Variants in TRIM10 observed in about 807,000 individuals in gnomAD.
TRIM10 encodes the protein tripartite motif containing 10.
In TRIM10, 42 loss-of-function variants were observed where a neutral mutation model predicts 40.0. That is an observed-to-expected ratio of 1.05 (90% CI 0.82 to 1.36). TRIM10 has a LOEUF of 1.36. Among genes scored for constraint, TRIM10 ranks in the 40% most tolerant of loss-of-function variants. The pLI is 0.00. For synonymous variants in TRIM10, 260 were observed against 239.5 expected (o/e 1.09, Z -0.79); for missense variants, 601 against 608.3 (o/e 0.99, Z 0.13).
intron 3 of TRIM10, among the ~76,000 whole-genome samples, 161 bp downstream of exon 3, chr6:30,158,238 T>C (rs1562123585): frequency 6.6e-6 from 1 of 152,198 alleles, no homozygotes; most frequent in Non-Finnish European, 1.5e-5. Flanking sequence ...CAGGGAACTC[T>C]TGGAAAAGCA....
At chr6:30,155,199 T>C (rs912908035) in intron 6 of TRIM10, among the ~76,000 whole-genome samples, 2 of 152,178 alleles carry the variant, frequency 1.3e-5, no homozygotes, top group East Asian at 1.9e-4. Flanking sequence ...GGCTGGTTGA[T>C]TGAGAAATGA....
rs1772314583 is a variant in TRIM10, at chr6:30,154,342, G to A, written c.1073C>T (p.Thr358Ile). 1 of 1,612,984 alleles carries A rather than the reference G, an allele frequency of 6.2e-7. No homozygotes were observed. Among genetic ancestry groups the A allele is most frequent in the African/African-American group, 1.3e-5 (1 of 74,938 alleles). The change falls in exon 7 of 7, where the codon ACT (threonine) becomes ATT (isoleucine). Residue 358 changes from threonine to isoleucine, a missense_variant. Thr to Ile is a moderately conservative substitution (Grantham distance 89). Transcript: ENST00000449742. The part of the protein sequence containing the change: ...FDRATCVLAH[T>I]GITGGRHTWV... ...CGTGTGTCTCCCCCCTGTGATGCCA[G>A]TGTGGGCCAGAACACAGGTGGCCCG...
chr6:30,152,807 G>A lies in TRIM10; in HGVS notation c.*1162C>T, dbSNP rs1772133632. On this transcript the variant is annotated 3_prime_UTR_variant, in exon 7 of 7. Transcript: ENST00000449742. ...CACTCTTCCATCCCATTTCTCAGAT[G>A]TCACTACAGTAGTCTCAATTACGGT... 6.6e-6 allele frequency: 1 copy of A among 152,230 alleles called. No individual in the cohort carries two copies. Among genetic ancestry groups the A allele is most frequent in the East Asian group, 1.9e-4 (1 of 5,202 alleles). The allele number at this position is 152,230 out of a possible 1,614,324, so 9.4% of individuals were successfully genotyped here.
chr6:30,158,384 C>A lies in TRIM10; in HGVS notation c.756+15G>T. On this transcript the variant is annotated intron_variant, in intron 3 of 6. Coordinates refer to ENST00000449742, the MANE Select transcript of TRIM10 (RefSeq NM_006778.4). ...GGACAGCACAGGTGGGGCAGGGTTCCGGTTCAGGCCTCACCGTCAGGAGCT... is the reference window on the plus strand; with the variant it reads ...GGACAGCACAGGTGGGGCAGGGTTCAGGTTCAGGCCTCACCGTCAGGAGCT... 1 of 1,607,390 alleles carries A rather than the reference C, an allele frequency of 6.2e-7. No individual in the cohort carries two copies. Among genetic ancestry groups the A allele is most frequent in the Admixed American group, 1.7e-5 (1 of 60,012 alleles).
Position 30,153,876 on chromosome 6 carries a change from G to A in TRIM10, c.*93C>T. 1 of 1,593,544 alleles carries A rather than the reference G, an allele frequency of 6.3e-7. No individual in the cohort carries two copies. The highest frequency in any genetic ancestry group is 8.6e-7 in the Non-Finnish European group (1 of 1,167,902). ...TCTAAAGCAGTCATTTCTATTCCAA[G>A]TCATCCAGGTGATTCAGCCAGGGAT... On this transcript the variant is annotated 3_prime_UTR_variant, in exon 7 of 7. Coordinates refer to ENST00000449742, the MANE Select transcript of TRIM10 (RefSeq NM_006778.4).
At position 30,160,891 on chromosome 6, in the gene TRIM10, ACTCT is replaced by A; in HGVS notation, c.-37_-34del. 6.4e-7 allele frequency: 1 copy of A among 1,558,120 alleles called. No individual in the cohort carries two copies. The highest frequency in any genetic ancestry group is 8.7e-7 in the Non-Finnish European group (1 of 1,155,980). On this transcript the variant is annotated 5_prime_UTR_variant, in exon 1 of 7. Coordinates refer to ENST00000449742, the MANE Select transcript of TRIM10 (RefSeq NM_006778.4). The stretch of plus-strand genomic sequence containing the variant: ...CTGCTGCTATGGCTTCCTCAAGGCC[ACTCT>A]CTCTGCTTGGCCACGGGGGAAGGGC...
intron 1 of TRIM10, 62 bp from the exon 2 acceptor site, chr6:30,159,307 A>T (rs755360674): frequency 2.6e-5 from 31 of 1,209,206 alleles, no homozygotes; most frequent in Non-Finnish European, 3.7e-5. Context: ...TTGTCTGGTC[A>T]TCTGACCCTC....
Position 30,153,719 on chromosome 6 carries a change from G to A in TRIM10, c.*250C>T. ...AGCTACTTCTGTGCCAAGCACGGATGGTGGTGAGCAGAACTGGCAGCAGCC... is the reference window on the plus strand; with the variant it reads ...AGCTACTTCTGTGCCAAGCACGGATAGTGGTGAGCAGAACTGGCAGCAGCC... On this transcript the variant is annotated 3_prime_UTR_variant, in exon 7 of 7. Coordinates refer to ENST00000449742, the MANE Select transcript of TRIM10 (RefSeq NM_006778.4). The A allele has an allele frequency of 6.2e-7, 1 of 1,613,054 alleles. No individual in the cohort carries two copies. The highest frequency in any genetic ancestry group is 1.1e-5 in the South Asian group (1 of 91,060).
At chr6:30,162,285 A>G (rs1423735532), upstream of TRIM10, among the ~76,000 whole-genome samples, 1 of 151,898 alleles carries the variant, frequency 6.6e-6, no homozygotes, top group Non-Finnish European at 1.5e-5. Flanking sequence ...CAAAAAAAAA[A>G]AAAAAGAAAA....
chr6:30,158,791 C>T (rs1054042653), intron 2 of TRIM10, among the ~76,000 whole-genome samples, 162 bp from the exon 3 acceptor site: 6 of 152,186 alleles, frequency 3.9e-5, no homozygotes, highest in African/African-American at 1.4e-4. Flanking sequence ...GTCTCAGCAC[C>T]ATCTGCTGCA....
In TRIM10 at chr6:30,159,259, A is replaced by G; in HGVS notation, c.430-14T>C. 1 of 1,526,820 alleles carries G rather than the reference A, an allele frequency of 6.5e-7. No individual in the cohort carries two copies. Among genetic ancestry groups the G allele is most frequent in the Non-Finnish European group, 9.1e-7 (1 of 1,101,716 alleles). 94.6% of individuals were successfully genotyped at this position (1,526,820 alleles called of 1,614,324 possible). The stretch of plus-strand genomic sequence containing the variant: ...ATGGATTTGTTCCTGGGGAGAAGGA[A>G]CATAAAATACTCAAGATGGAAAATG... On this transcript the variant is annotated splice_polypyrimidine_tract_variant and intron_variant, in intron 1 of 6. Transcript: ENST00000449742.
At chr6:30,157,314 G>T in intron 4 of TRIM10, 55 bp downstream of exon 4, 1 of 1,474,300 alleles carries the variant, frequency 6.8e-7, no homozygotes, top group Non-Finnish European at 9.3e-7. Context: ...TAGGCATGCA[G>T]TACATGTATG....
upstream of TRIM10, chr6:30,163,664 C>T (rs1254386792): frequency 1.3e-6 from 2 of 1,583,178 alleles, no homozygotes; most frequent in African/African-American, 1.3e-5. Context: ...CCGGAGTGGA[C>T]GGGCTGGGGA....
rs201883442 is a variant in TRIM10, at chr6:30,160,625, C to T, written c.234G>A (p.Val78=). 1.2e-5 allele frequency: 20 copies of T among 1,614,242 alleles called. No homozygotes were observed. The East Asian group carries it at 4.0e-4, about 32-fold the overall frequency. The part of the protein sequence containing the change: ...SFRPNWQLAN[V]VENIERLQLV... ...GCTGGAGGCGCTCAATGTTCTCCACCACGTTAGCCAGCTGCCAGTTGGGCC... is the reference window on the plus strand; with the variant it reads ...GCTGGAGGCGCTCAATGTTCTCCACTACGTTAGCCAGCTGCCAGTTGGGCC... The change falls in exon 1 of 7, where the codon GTG becomes GTA. Residue 78 remains valine (V), a synonymous_variant. Coordinates refer to ENST00000449742, the MANE Select transcript of TRIM10 (RefSeq NM_006778.4).
intron 3 of TRIM10, among the ~76,000 whole-genome samples, chr6:30,157,657 C>CTTTTTTTT (rs9278596): frequency 3.3e-4 from 26 of 77,858 alleles, no homozygotes; most frequent in Non-Finnish European, 5.1e-4. Context: ...GGCTAATTTT[C>CTTTTTTTT]TTTTTTTTTT....
In TRIM10 at chr6:30,158,435, C is replaced by T. The variant is rs1310886051; in HGVS notation, c.720G>A (p.Glu240=). The T allele has an allele frequency of 2.5e-6, 4 of 1,613,094 alleles. No homozygotes were observed. The highest frequency in any genetic ancestry group is 3.4e-6 in the Non-Finnish European group (4 of 1,180,026). The change falls in exon 3 of 7, where the codon GAG becomes GAA. Residue 240 remains glutamate, a synonymous_variant. Coordinates refer to ENST00000449742, the MANE Select transcript of TRIM10 (RefSeq NM_006778.4). ...CCCTTGCTGGCCTCTCATTCTTCTCCTCCAGTTCTTCAATAAGAGCACTAA... is the reference window on the plus strand; with the variant it reads ...CCCTTGCTGGCCTCTCATTCTTCTCTTCCAGTTCTTCAATAAGAGCACTAA... The part of the protein sequence containing the change: ...CRFSALIEEL[E]EKNERPAREL...
Position 30,154,087 on chromosome 6 carries a change from G to A in TRIM10, c.1328C>T (p.Thr443Ile). 6.2e-7 allele frequency: 1 copy of A among 1,613,012 alleles called. No homozygotes were observed. The highest frequency in any genetic ancestry group is 1.6e-4 in the Middle Eastern group (1 of 6,062). The stretch of plus-strand genomic sequence containing the variant: ...CTCTCGGGTGACAGCGTTGGTGAAG[G>A]TCACCCAGCCCACCTCATAGTCAAG... ...VSLDYEVGWV[T>I]FTNAVTREPI... Residue 443 changes from threonine to isoleucine, a missense_variant, in exon 7 of 7, where the codon ACC (threonine) becomes ATC (isoleucine). By Grantham distance (89) the Thr-to-Ile change is moderately conservative (BLOSUM62 -1). Coordinates refer to ENST00000449742, the MANE Select transcript of TRIM10 (RefSeq NM_006778.4).
chr6:30,155,758 T>A lies in TRIM10; in HGVS notation c.897A>T (p.Glu299Asp). 1 of 1,613,236 alleles carries A rather than the reference T, an allele frequency of 6.2e-7. No individual in the cohort carries two copies. Among genetic ancestry groups the A allele is most frequent in the Non-Finnish European group, 8.5e-7 (1 of 1,179,806 alleles). ...CATAGTCCAACTCAAAGCATAGTTT[T>A]TCTGTAAAGAAAATAAACCAGGATG... is the stretch of plus-strand genomic sequence containing the variant. The part of the protein sequence containing the change: ...PLQREMKMFL[E>D]KLCFELDYEP... The change falls in exon 6 of 7, where the codon GAA (glutamate) becomes GAT (aspartate). Residue 299 changes from glutamate (E) to aspartate (D), a missense_variant and splice_region_variant. Physicochemically the swap from Glu to Asp is conservative, Grantham distance 45. Coordinates refer to ENST00000449742, the MANE Select transcript of TRIM10 (RefSeq NM_006778.4).
intron 2 of TRIM10, among the ~76,000 whole-genome samples, 184 bp from the exon 3 acceptor site, chr6:30,158,813 G>T (rs1487056143): frequency 5.3e-5 from 8 of 152,184 alleles, no homozygotes; most frequent in Non-Finnish European, 1.2e-4. Flanking sequence ...CTTCTAAAAG[G>T]GGTAGGGCTT....
Sources: gnomAD v4.1 joint callset for allele counts (sites outside exome capture counted in the v4.1 genomes callset) on GRCh38, gnomAD v4.1.1 for gene constraint, MANE v1.5 for transcripts, NCBI Gene and HGNC (gene_info 2026-07-23, HGNC 2026-07-21) for gene names.